The following JAKMIP1 variants were observed in gnomAD, a reference collection of about 807,000 sequenced individuals.
JAKMIP1 encodes the protein janus kinase and microtubule interacting protein 1, also known as janus kinase and microtubule-interacting protein 1.
Under a neutral mutation model 113.0 loss-of-function variants are expected in JAKMIP1, and 33 were observed. That is an observed-to-expected ratio of 0.29 (90% CI 0.22 to 0.39). The LOEUF (loss-of-function observed/expected upper bound fraction) is 0.39, where lower values mean the gene tolerates loss of function less well. JAKMIP1 is among the 10% of genes least tolerant of loss of function. The pLI is 1.00. For missense variants in JAKMIP1, 813 were observed against 1,080.5 expected, an observed-to-expected ratio of 0.75 and a Z score of 3.47; for synonymous variants, 480 against 459.9, an observed-to-expected ratio of 1.04 and a Z score of -0.56.
At chr4:6,130,538 C>G (rs1223654775) in intron 1 of JAKMIP1, among the ~76,000 whole-genome samples, 1 of 152,022 alleles carries the variant, frequency 6.6e-6, no homozygotes, top group Non-Finnish European at 1.5e-5. Flanking sequence ...AAAAGAGAGC[C>G]CAAACATTGG....
chr4:6,063,843 G>A (rs777829001), intron 9 of JAKMIP1, among the ~76,000 whole-genome samples: 20 of 152,256 alleles, frequency 1.3e-4, no homozygotes, highest in Non-Finnish European at 2.4e-4. Context: ...GACTCGGGAT[G>A]TGGGGGCGCA....
intron 1 of JAKMIP1, among the ~76,000 whole-genome samples, chr4:6,115,138 G>A (rs921531449): frequency 6.6e-6 from 1 of 152,232 alleles, no homozygotes; most frequent in Non-Finnish European, 1.5e-5. Context: ...GCTGGGTGTG[G>A]TGGCTCACAC....
chr4:6,124,027 T>C (rs539615064), intron 1 of JAKMIP1, among the ~76,000 whole-genome samples: 1 of 152,332 alleles, frequency 6.6e-6, no homozygotes, highest in African/African-American at 2.4e-5. Context: ...ACACGTACTC[T>C]GGGCTTGGAG....
Position 6,140,723 on chromosome 4 carries a change from T to C in JAKMIP1, c.-147-27726A>G, listed in dbSNP as rs1255007023. Among the ~76,000 whole-genome samples the C allele has an allele frequency of 1.3e-5, 2 of 152,174 alleles. No individual in the cohort carries two copies. The highest frequency in any genetic ancestry group is 1.3e-4 in the Admixed American group (2 of 15,286). On this transcript the variant is annotated intron_variant, in intron 1 of 20. Coordinates refer to ENST00000409021, the MANE Select transcript of JAKMIP1 (RefSeq NM_001099433.2). This position sits in a 1 kb window ranked among gnomAD's most constrained non-coding sequence, Gnocchi z 9.4. The stretch of plus-strand genomic sequence containing the variant: ...TACCTGGAAAAGGGATGACAAAGTA[T>C]CCCAGATAACTTGGTAGAATAATAT...
intron 1 of JAKMIP1, among the ~76,000 whole-genome samples, chr4:6,151,679 G>A (rs753083816): frequency 6.6e-6 from 1 of 152,192 alleles, no homozygotes; most frequent in Non-Finnish European, 1.5e-5. Context: ...CCTGTCTGCT[G>A]TTCAAGTTCT....
chr4:6,079,082 C>T (rs146967134), intron 7 of JAKMIP1, 84 bp from the exon 8 acceptor site: 2 of 1,441,882 alleles, frequency 1.4e-6, no homozygotes, highest in African/African-American at 1.4e-5. Context: ...GGGAGCTGGG[C>T]CTGCCCATCC....
chr4:6,085,440 C>T lies in JAKMIP1; in HGVS notation c.814G>A (p.Val272Met), dbSNP rs1367948417. 1.2e-6 allele frequency: 2 copies of T among 1,613,446 alleles called. No homozygotes were observed. Among genetic ancestry groups the T allele is most frequent in the Non-Finnish European group, 1.7e-6 (2 of 1,179,990 alleles). The change falls in exon 4 of 21, where the codon GTG becomes ATG. Residue 272 changes from valine to methionine, a missense_variant. Around this residue, in one of 2 missense-constraint regions of JAKMIP1, gnomAD observed 540 missense variants for 653.9 expected, o/e 0.83. Transcript: ENST00000409021. ...CTCACCTGGACGCCCATGAGCTCCA[C>T]CATGTCCCCGATCCCGGGCGGGAGC... ...RELPPGIGDMVELMGVQDQHM... is the reference protein window; with the variant it reads ...RELPPGIGDMMELMGVQDQHM...
rs1720115126 is a variant in JAKMIP1, at chr4:6,141,294, G to A, written c.-147-28297C>T. Among the ~76,000 whole-genome samples, 1 of 152,100 alleles carries A rather than the reference G, an allele frequency of 6.6e-6. No homozygotes were observed. The highest frequency in any genetic ancestry group is 2.4e-5 in the African/African-American group (1 of 41,370). On this transcript the variant is annotated intron_variant, in intron 1 of 20. Transcript: ENST00000409021. The surrounding 1 kb of genome is among the most constrained non-coding windows in gnomAD (Gnocchi z 9.4). ...CTATTAAAAATACAAAAATTAGCCA[G>A]GGGTGGTGGCGCGCATCTGTAATCC... is the stretch of plus-strand genomic sequence containing the variant.
Position 6,036,092 on chromosome 4 carries a change from C to T in JAKMIP1, c.2191G>A (p.Glu731Lys), listed in dbSNP as rs1259497884. 1 of 1,552,538 alleles carries T rather than the reference C, an allele frequency of 6.4e-7. No homozygotes were observed. The highest frequency in any genetic ancestry group is 1.4e-5 in the African/African-American group (1 of 73,516). The change falls in exon 19 of 21, where the codon GAG (glutamate) becomes AAG (lysine). Residue 731 changes from glutamate to lysine, a missense_variant. Transcript: ENST00000409021. Reference sequence around the variant, plus strand: ...TGCAGCGCTGTGTACAGTGTGGCCTCCAGGTCTTGGATTTTCTGAGGACCC... The same window carrying T: ...TGCAGCGCTGTGTACAGTGTGGCCTTCAGGTCTTGGATTTTCTGAGGACCC... ...DQAYLKIQDL[E>K]ATLYTALQQE...
In JAKMIP1 at chr4:6,141,244, T is replaced by C. The variant is rs1720107647; in HGVS notation, c.-147-28247A>G. On this transcript the variant is annotated intron_variant, in intron 1 of 20. Transcript: ENST00000409021. The surrounding 1 kb of genome is among the most constrained non-coding windows in gnomAD (Gnocchi z 9.4). ...TGAGCCCAGGAATTCGAGACCAGCC[T>C]GGCCAACATGGCGAAACCCCGTCTC... 6.6e-6 allele frequency among the ~76,000 whole-genome samples: 1 copy of C among 152,174 alleles called. No individual in the cohort carries two copies. Among genetic ancestry groups the C allele is most frequent in the South Asian group, 2.1e-4 (1 of 4,832 alleles).
intron 3 of JAKMIP1, among the ~76,000 whole-genome samples, chr4:6,105,175 T>C (rs2108873433): frequency 6.6e-6 from 1 of 152,348 alleles, no homozygotes; most frequent in East Asian, 1.9e-4. Context: ...TGCTCATGGT[T>C]GTTGAAGTAA....
rs993962617 is a variant in JAKMIP1 at position 6,093,659 on chromosome 4, C to A, written c.625-8030G>T. Among the ~76,000 whole-genome samples the A allele has an allele frequency of 6.6e-6, 1 of 152,162 alleles. No homozygotes were observed. Among genetic ancestry groups the A allele is most frequent in the Non-Finnish European group, 1.5e-5 (1 of 68,026 alleles). Reference sequence around the variant, plus strand: ...TCTCTTGAAGTTCAGGGTCCTGAACCAGACACCTCCTGTATTACAATGAAT... The same window carrying A: ...TCTCTTGAAGTTCAGGGTCCTGAACAAGACACCTCCTGTATTACAATGAAT... On this transcript the variant is annotated intron_variant, in intron 3 of 20. Coordinates refer to ENST00000409021, the MANE Select transcript of JAKMIP1 (RefSeq NM_001099433.2). The surrounding 1 kb of genome is among the most constrained non-coding windows in gnomAD (Gnocchi z 4.6).
chr4:6,110,489 C>G (rs1047049557), intron 2 of JAKMIP1, among the ~76,000 whole-genome samples: 1 of 151,380 alleles, frequency 6.6e-6, no homozygotes, highest in African/African-American at 2.4e-5. Flanking sequence ...CCCGCCCTCT[C>G]CAGCCCTTGG....
rs71173408 is a variant in JAKMIP1, at chr4:6,109,124, C to CTTTTT, written c.130-3162_130-3158dup. Among the ~76,000 whole-genome samples, 10 of 96,860 alleles carry CTTTTT rather than the reference C, an allele frequency of 1.0e-4. 1 individual carries two copies. Among genetic ancestry groups the CTTTTT allele is most frequent in the South Asian group, 3.7e-4 (1 of 2,676 alleles). 63.5% of individuals were successfully genotyped at this position (96,860 alleles called of 152,430 possible). On this transcript the variant is annotated intron_variant, in intron 2 of 20. Transcript: ENST00000409021. ...AATATACAAGATGTGCCTGGGGCACCTTTTTTTTTTTTTTTTTTTTTTTTT... is the reference window on the plus strand; with the variant it reads ...AATATACAAGATGTGCCTGGGGCACCTTTTTTTTTTTTTTTTTTTTTTTTTTTTTT...
chr4:6,172,531 C>T (rs1299697048), intron 1 of JAKMIP1, among the ~76,000 whole-genome samples: 1 of 151,984 alleles, frequency 6.6e-6, no homozygotes, highest in African/African-American at 2.4e-5. Context: ...AGGACACGGC[C>T]CTGGCCCCAA....
At chr4:6,033,159 A>G (rs1432695476) in intron 19 of JAKMIP1, among the ~76,000 whole-genome samples, 1 of 152,228 alleles carries the variant, frequency 6.6e-6, no homozygotes, top group African/African-American at 2.4e-5. Context: ...CCTCTTAGTT[A>G]ACAGGGCTGG....
chr4:6,145,077 G>A (rs553154876), intron 1 of JAKMIP1, among the ~76,000 whole-genome samples: 115 of 152,268 alleles, frequency 7.6e-4, no homozygotes, highest in South Asian at 4.6e-3. Context: ...ATTCCTATAC[G>A]CTGGCAATGA....
rs868488503 is a variant in JAKMIP1 at position 6,185,717 on chromosome 4, T to A, written c.-148+14536A>T. Among the ~76,000 whole-genome samples the A allele has an allele frequency of 2.6e-5, 4 of 152,156 alleles. No individual in the cohort carries two copies. Among genetic ancestry groups the A allele is most frequent in the Non-Finnish European group, 5.9e-5 (4 of 68,018 alleles). On this transcript the variant is annotated intron_variant, in intron 1 of 20. Transcript: ENST00000409021. This position sits in a 1 kb window ranked among gnomAD's most constrained non-coding sequence, Gnocchi z 5.3. ...GAGATCAGGGTGGGGCCAGAGGACC[T>A]GTGGTTCTGAGCTGCTCCCAGGTGA...
chr4:6,128,638 TC>T (rs1482399222), intron 1 of JAKMIP1, among the ~76,000 whole-genome samples: 1 of 152,116 alleles, frequency 6.6e-6, no homozygotes, highest in African/African-American at 2.4e-5. Flanking sequence ...GCCACGTGCC[TC>T]CTCCGTCCAT....
Sources: gnomAD v4.1 joint callset for allele counts (sites outside exome capture counted in the v4.1 genomes callset) on GRCh38, gnomAD v4.1.1 for gene constraint, gnomAD v4.1.1 regional missense constraint, Gnocchi (gnomAD v3.1) non-coding constraint, MANE v1.5 for transcripts, NCBI Gene and HGNC (gene_info 2026-07-23, HGNC 2026-07-21) for gene names.